MLH3: variants seen among roughly 807,000 people sequenced by gnomAD.
MLH3 encodes DNA mismatch repair protein Mlh3.
A neutral mutation model predicts 122.2 loss-of-function variants in MLH3; 82 were observed. The observed-to-expected ratio is 0.67, with a 90% CI of 0.56 to 0.81. The LOEUF is 0.81. Among genes scored for constraint, MLH3 ranks in the 30% least tolerant of loss-of-function variants. The pLI, the probability that MLH3 is intolerant of heterozygous loss-of-function variation, is 0.00. For synonymous variants in MLH3, 524 were observed against 599.5 expected, an observed-to-expected ratio of 0.87 and a Z score of 1.84; for missense variants, 1,539 against 1,714.5, an observed-to-expected ratio of 0.90 and a Z score of 1.81.
At chr14:75,041,365 T>C (rs1264005851) in intron 4 of MLH3, among the ~76,000 whole-genome samples, 1 of 151,918 alleles carries the variant, frequency 6.6e-6, no homozygotes, top group East Asian at 1.9e-4. Context: ...GCCTGACCAA[T>C]ATGGAGAAAC....
At chr14:75,039,658 T>C (rs1891669802) in intron 5 of MLH3, among the ~76,000 whole-genome samples, 1 of 151,828 alleles carries the variant, frequency 6.6e-6, no homozygotes, top group Admixed American at 6.6e-5. Context: ...GAATCCATAA[T>C]TCATTCCCTC....
chr14:75,029,467 T>C (rs1213697009), intron 9 of MLH3, among the ~76,000 whole-genome samples: 1 of 152,180 alleles, frequency 6.6e-6, no homozygotes, highest in African/African-American at 2.4e-5. Flanking sequence ...CTCAAGTCTC[T>C]GATATGTATT....
intron 11 of MLH3, 82 bp from the exon 12 acceptor site, chr14:75,019,062 G>C: frequency 8.0e-7 from 1 of 1,255,470 alleles, no homozygotes; most frequent in South Asian, 1.2e-5. Flanking sequence ...CCAAATATCT[G>C]GAAAAAGTAA....
chr14:75,018,743 G>T, intron 12 of MLH3, 86 bp downstream of exon 12: 1 of 1,477,050 alleles, frequency 6.8e-7, no homozygotes, highest in Non-Finnish European at 9.5e-7. Context: ...GAAAGGTTAA[G>T]ACAGATTACA....
At chr14:75,020,733 A>G (rs915777815) in intron 11 of MLH3, 2 of 152,172 alleles carry the variant, frequency 1.3e-5, no homozygotes, top group Admixed American at 6.5e-5. Flanking sequence ...ATATTGTATC[A>G]TATTACCCTG....
chr14:75,019,188 G>A, intron 11 of MLH3: 2 of 535,254 alleles, frequency 3.7e-6, no homozygotes, highest in South Asian at 2.0e-5. Context: ...GAGGCGGGCA[G>A]ATCATGAGGT....
In MLH3 at chr14:75,046,367, C is replaced by A; in HGVS notation, c.3280+9G>T. ...AAGCATCTCATGCACATGAATACTA[C>A]GTACTTACCATTCTCAAGTACAACA... On this transcript the variant is annotated intron_variant, in intron 2 of 12. Transcript: ENST00000355774. 1 of 1,613,576 alleles carries A rather than the reference C, an allele frequency of 6.2e-7. No individual in the cohort carries two copies. Among genetic ancestry groups the A allele is most frequent in the Non-Finnish European group, 8.5e-7 (1 of 1,179,502 alleles).
rs762169466 is a variant in MLH3, at chr14:75,049,185, T to G, written c.471A>C (p.Val157=). The G allele has an allele frequency of 6.2e-7, 1 of 1,614,074 alleles. No individual in the cohort carries two copies. Among genetic ancestry groups the G allele is most frequent in the African/African-American group, 1.3e-5 (1 of 74,934 alleles). Residue 157 remains valine (V), a synonymous_variant, in exon 2 of 13, where the codon GTA becomes GTC. Coordinates refer to ENST00000355774, the MANE Select transcript of MLH3 (RefSeq NM_001040108.2). The part of the protein sequence containing the change: ...TVYNLFYQLP[V]RRKCMDPRLE... Reference sequence around the variant, plus strand: ...GTCTAGGGTCCATGCATTTCCTCCTTACAGGAAGCTGGTAAAATAGGTTAT... The same window carrying G: ...GTCTAGGGTCCATGCATTTCCTCCTGACAGGAAGCTGGTAAAATAGGTTAT...
intron 8 of MLH3, among the ~76,000 whole-genome samples, chr14:75,031,808 T>A (rs1430196493): frequency 6.6e-6 from 1 of 152,210 alleles, no homozygotes; most frequent in Non-Finnish European, 1.5e-5. Context: ...AGTGAGACCA[T>A]GTCTCACAAA....
rs768721931 is a variant in MLH3, at chr14:75,030,587, C to T, written c.3943G>A (p.Glu1315Lys). The change falls in exon 9 of 13, where the codon GAA becomes AAA. Residue 1315 changes from glutamate (E) to lysine (K), a missense_variant. Glu to Lys is a moderately conservative substitution (Grantham distance 56, BLOSUM62 1). Transcript: ENST00000355774. Reference protein sequence around the residue: ...PLCFVEREANELRRGRSTVTK... With the variant: ...PLCFVEREANKLRRGRSTVTK... ...ACAGTAGATCTTCCTCTCCGAAGTT[C>T]ATTGGCTTCTCTTTCCACAAAACAT... 4.3e-6 allele frequency: 7 copies of T among 1,614,136 alleles called. No individual in the cohort carries two copies. The highest frequency in any genetic ancestry group is 5.9e-6 in the Non-Finnish European group (7 of 1,179,986).
chr14:75,032,033 T>TC, intron 8 of MLH3, 35 bp downstream of exon 8: 1 of 1,203,856 alleles, frequency 8.3e-7, no homozygotes, highest in South Asian at 1.2e-5. Context: ...TGAGAATTGA[T>TC]ACCATCAACA....
chr14:75,045,279 G>A (rs1024248672), intron 2 of MLH3, among the ~76,000 whole-genome samples: 2 of 152,116 alleles, frequency 1.3e-5, no homozygotes, highest in Admixed American at 6.5e-5. Context: ...ATAGTGAGCC[G>A]AGATCACGCC....
In MLH3 at chr14:75,015,845, T is replaced by C. The variant is rs114347490; in HGVS notation, c.*1237A>G. 3.3e-3 allele frequency: 734 copies of C among 225,314 alleles called. 4 individuals are homozygous for C. Among genetic ancestry groups the C allele is most frequent in the African/African-American group, 0.015 (692 of 44,988 alleles). 14.0% of individuals were successfully genotyped at this position (225,314 alleles called of 1,614,324 possible). A position where few individuals can be genotyped will look rare whatever the true frequency, so the allele number is the denominator to read the frequency against. On this transcript the variant is annotated 3_prime_UTR_variant, in exon 13 of 13. Coordinates refer to ENST00000355774, the MANE Select transcript of MLH3 (RefSeq NM_001040108.2). ...TGCTGGCAAAGGAACTTTTCTTCCA[T>C]GAGCACGAATTGGTTTCCTGTATTA...
chr14:75,024,196 T>G (rs1246144171), intron 9 of MLH3, among the ~76,000 whole-genome samples: 3 of 152,178 alleles, frequency 2.0e-5, no homozygotes, highest in Non-Finnish European at 4.4e-5. Flanking sequence ...ATTTATTTAT[T>G]TAGTTAGTTA....
rs916665768 is a variant in MLH3 at position 75,048,403 on chromosome 14, T to C, written c.1253A>G (p.Glu418Gly). Residue 418 changes from glutamate to glycine, a missense_variant, in exon 2 of 13, where the codon GAA becomes GGA. By Grantham distance (98) the Glu-to-Gly change is moderately conservative. Coordinates refer to ENST00000355774, the MANE Select transcript of MLH3 (RefSeq NM_001040108.2). ...SKAVKRKTTA[E>G]NVNTQSSRDS... The stretch of plus-strand genomic sequence containing the variant: ...CCTAGAACTCTGTGTGTTTACGTTT[T>C]CTGCAGTAGTTTTTCTTTTCACAGC... 1 of 1,608,160 alleles carries C rather than the reference T, an allele frequency of 6.2e-7. No individual in the cohort carries two copies. The highest frequency in any genetic ancestry group is 8.5e-7 in the Non-Finnish European group (1 of 1,177,942).
intron 9 of MLH3, among the ~76,000 whole-genome samples, chr14:75,026,449 T>C (rs982088835): frequency 3.3e-5 from 5 of 152,008 alleles, no homozygotes; most frequent in Non-Finnish European, 7.4e-5. Flanking sequence ...CACTGGAAGA[T>C]AAGTGAGGAG....
chr14:75,022,951 T>C (rs1463083394), intron 10 of MLH3, 44 bp downstream of exon 10: 6 of 1,614,026 alleles, frequency 3.7e-6, no homozygotes, highest in East Asian at 2.2e-5. Flanking sequence ...GCCTTTTATG[T>C]GTGGTGCTTC....
chr14:75,042,008 C>G (rs990693464), intron 3 of MLH3, among the ~76,000 whole-genome samples: 17 of 152,182 alleles, frequency 1.1e-4, no homozygotes, highest in African/African-American at 3.6e-4. Flanking sequence ...CAAAATATAC[C>G]TTATCTATTT....
chr14:75,050,425 A>C (rs1234697316), intron 1 of MLH3, among the ~76,000 whole-genome samples: 1 of 152,146 alleles, frequency 6.6e-6, no homozygotes, highest in East Asian at 1.9e-4. Context: ...TTTTTGAAAC[A>C]GTCTCACTCT....
Sources: gnomAD v4.1 joint callset for allele counts (sites outside exome capture counted in the v4.1 genomes callset) on GRCh38, gnomAD v4.1.1 for gene constraint, MANE v1.5 for transcripts, NCBI Gene and HGNC (gene_info 2026-07-23, HGNC 2026-07-21) for gene names.